Variants in SBNO2 observed in about 807,000 individuals in gnomAD.
SBNO2 encodes strawberry notch homolog 2.
A neutral mutation model predicts 146.3 loss-of-function variants in SBNO2; 89 were observed. That is an observed-to-expected ratio of 0.61 (90% CI 0.51 to 0.73). SBNO2 has a LOEUF of 0.73. Among genes scored for constraint, SBNO2 ranks in the 30% least tolerant of loss-of-function variants. The pLI, the probability that SBNO2 is intolerant of heterozygous loss-of-function variation, is 0.00. For synonymous variants in SBNO2, 1,147 were observed against 892.6 expected (o/e 1.29, Z -5.08); for missense variants, 2,092 against 2,003.7 (o/e 1.04, Z -0.84).
intron 1 of SBNO2, among the ~76,000 whole-genome samples, chr19:1,171,732 C>A (rs1361815663): frequency 6.6e-6 from 1 of 151,656 alleles, no homozygotes; most frequent in East Asian, 1.9e-4. Flanking sequence ...CCTCACACCC[C>A]TGGGGTTGGG....
Position 1,110,647 on chromosome 19 carries a change from G to T in SBNO2, c.3028+98C>A. On this transcript the variant is annotated intron_variant, in intron 26 of 31. Transcript: ENST00000361757. This position sits in a 1 kb window ranked among gnomAD's most constrained non-coding sequence, Gnocchi z 4.9. ...AGCCCCTCGCCCACCCGGGATGCCC[G>T]GTGTTCCCACGAGCCCCGAGCCCAC... is the stretch of plus-strand genomic sequence containing the variant. 1 of 1,392,912 alleles carries T rather than the reference G, an allele frequency of 7.2e-7. No individual in the cohort carries two copies. Among genetic ancestry groups the T allele is most frequent in the Non-Finnish European group, 9.6e-7 (1 of 1,046,964 alleles). The allele number at this position is 1,392,912 out of a possible 1,614,324, so 86.3% of individuals were successfully genotyped here.
At chr19:1,163,158 T>C (rs1293902834) in intron 1 of SBNO2, among the ~76,000 whole-genome samples, 1 of 152,190 alleles carries the variant, frequency 6.6e-6, no homozygotes, top group Non-Finnish European at 1.5e-5. Flanking sequence ...TGGGGCCTTA[T>C]TTGCATACAG....
rs1374173058 is a variant in SBNO2, at chr19:1,141,823, A to G, written c.279+5486T>C. Among the ~76,000 whole-genome samples, 4 of 151,954 alleles carry G rather than the reference A, an allele frequency of 2.6e-5. No individual in the cohort carries two copies. The East Asian group carries it at 7.7e-4, about 29-fold the overall frequency. On this transcript the variant is annotated intron_variant, in intron 4 of 31. Transcript: ENST00000361757. ...TTTTTTATACAGATAGGGTCTCACT[A>G]TGTTGCGCAGGCTGGTCTCAAACCC...
chr19:1,129,047 A>G (rs1335724515), intron 4 of SBNO2, among the ~76,000 whole-genome samples: 1 of 151,054 alleles, frequency 6.6e-6, no homozygotes, highest in East Asian at 2.0e-4. Context: ...TGGGCAGATC[A>G]CCTGAGGTCA....
At chr19:1,143,859 T>C (rs2080162003) in intron 4 of SBNO2, among the ~76,000 whole-genome samples, 1 of 152,146 alleles carries the variant, frequency 6.6e-6, no homozygotes, top group African/African-American at 2.4e-5. Flanking sequence ...CTCTTCCGTC[T>C]TGGGTCCATC....
At chr19:1,162,562 G>A (rs1034722981) in intron 1 of SBNO2, among the ~76,000 whole-genome samples, 1 of 152,066 alleles carries the variant, frequency 6.6e-6, no homozygotes, top group Non-Finnish European at 1.5e-5. Flanking sequence ...GCCAGAGGCA[G>A]GAGGCTGACG....
intron 2 of SBNO2, among the ~76,000 whole-genome samples, chr19:1,152,250 G>A (rs1007514078): frequency 3.3e-5 from 5 of 152,178 alleles, no homozygotes; most frequent in African/African-American, 7.2e-5. Context: ...GCTCCCGCTC[G>A]GATCCTTGAA....
chr19:1,158,514 C>T lies in SBNO2; in HGVS notation c.-126-4112G>A, dbSNP rs979413199. ...AGACCACGGGAGGACCCAGGGCGCACGGCACACCCCAGAGCGCTCCGCCCA... is the reference window on the plus strand; with the variant it reads ...AGACCACGGGAGGACCCAGGGCGCATGGCACACCCCAGAGCGCTCCGCCCA... On this transcript the variant is annotated intron_variant, in intron 1 of 31. Transcript: ENST00000361757. This position sits in a 1 kb window ranked among gnomAD's most constrained non-coding sequence, Gnocchi z 9.9. 2.6e-5 allele frequency among the ~76,000 whole-genome samples: 4 copies of T among 151,878 alleles called. No individual in the cohort carries two copies. Among genetic ancestry groups the T allele is most frequent in the South Asian group, 2.1e-4 (1 of 4,812 alleles).
intron 4 of SBNO2, among the ~76,000 whole-genome samples, chr19:1,133,435 C>T (rs1363190939): frequency 6.6e-6 from 1 of 152,102 alleles, no homozygotes; most frequent in East Asian, 1.9e-4. Context: ...GGCCCTCAAA[C>T]CCTGTGCACT....
chr19:1,145,258 G>A (rs1173431199), intron 4 of SBNO2, among the ~76,000 whole-genome samples: 1 of 150,558 alleles, frequency 6.6e-6, no homozygotes, highest in Non-Finnish European at 1.5e-5. Context: ...CCACAGGTCA[G>A]GAGTTTGAGA....
Position 1,108,785 on chromosome 19 carries a change from G to C in SBNO2, c.3610C>G (p.Gln1204Glu), listed in dbSNP as rs759018791. The C allele has an allele frequency of 6.2e-7, 1 of 1,602,686 alleles. No individual in the cohort carries two copies. Among genetic ancestry groups the C allele is most frequent in the South Asian group, 1.1e-5 (1 of 91,024 alleles). The change falls in exon 31 of 32, where the codon CAA becomes GAA. Residue 1204 changes from glutamine (Q) to glutamate (E), a missense_variant. By Grantham distance (29) the Gln-to-Glu change is conservative (BLOSUM62 2). Coordinates refer to ENST00000361757, the MANE Select transcript of SBNO2 (RefSeq NM_014963.3). ...GCGCCCGCCGCCCACTCACCCACTT[G>C]CTTCTTCCTGTCCTTGGTCTTCAGC... is the stretch of plus-strand genomic sequence containing the variant. Reference protein sequence around the residue: ...VRLKTKDRKKQVGIKIPEGCV... With the variant: ...VRLKTKDRKKEVGIKIPEGCV...
rs982899533 is a variant in SBNO2 at position 1,157,365 on chromosome 19, G to A, written c.-126-2963C>T. Among the ~76,000 whole-genome samples the A allele has an allele frequency of 1.1e-4, 16 of 145,574 alleles. No homozygotes were observed. Among genetic ancestry groups the A allele is most frequent in the Admixed American group, 2.7e-4 (4 of 14,610 alleles). On this transcript the variant is annotated intron_variant, in intron 1 of 31. Coordinates refer to ENST00000361757, the MANE Select transcript of SBNO2 (RefSeq NM_014963.3). The surrounding 1 kb of genome is among the most constrained non-coding windows in gnomAD (Gnocchi z 6.8). Reference sequence around the variant, plus strand: ...GGAGACGCTCTCCCCACGCGGCCCCGGAGACCCTCTGCCACGCAGCCCCGG... The same window carrying A: ...GGAGACGCTCTCCCCACGCGGCCCCAGAGACCCTCTGCCACGCAGCCCCGG...
At position 1,174,223 on chromosome 19, in the gene SBNO2, G is replaced by C. The variant is rs1234714007; in HGVS notation, c.-178C>G. 3.3e-5 allele frequency: 5 copies of C among 151,908 alleles called. No individual in the cohort carries two copies. The highest frequency in any genetic ancestry group is 1.2e-4 in the African/African-American group (5 of 41,376). 9.4% of individuals were successfully genotyped at this position (151,908 alleles called of 1,614,324 possible). ...GAGCCCGCGGCGCCTGTTTCTCCGA[G>C]CCTCGCAGCTGCCGCCGCTCACTTC... On this transcript the variant is annotated 5_prime_UTR_variant, in exon 1 of 32. Coordinates refer to ENST00000361757, the MANE Select transcript of SBNO2 (RefSeq NM_014963.3).
intron 1 of SBNO2, among the ~76,000 whole-genome samples, chr19:1,164,928 A>C (rs1234374177): frequency 3.6e-5 from 4 of 112,212 alleles, no homozygotes; most frequent in African/African-American, 6.3e-5. Flanking sequence ...GAGGAGGAGG[A>C]GGCACAGGAG....
intron 1 of SBNO2, among the ~76,000 whole-genome samples, chr19:1,164,003 C>A (rs1238695817): frequency 6.6e-6 from 1 of 152,222 alleles, no homozygotes; most frequent in Admixed American, 6.5e-5. Context: ...CGGAACCCAG[C>A]GCCCAGGAAG....
At position 1,166,627 on chromosome 19, in the gene SBNO2, A is replaced by G. The variant is rs992920290; in HGVS notation, c.-127+7545T>C. 1.7e-3 allele frequency among the ~76,000 whole-genome samples: 255 copies of G among 147,540 alleles called. 1 individual carries two copies. Among genetic ancestry groups the G allele is most frequent in the African/African-American group, 6.0e-3 (237 of 39,294 alleles). On this transcript the variant is annotated intron_variant, in intron 1 of 31. Transcript: ENST00000361757. ...ACCGCAACTGCACGCGCACACACAC[A>G]CACACACACACACACACACACACGC... is the stretch of plus-strand genomic sequence containing the variant.
At chr19:1,113,366 G>C (rs1451610588) in intron 19 of SBNO2, among the ~76,000 whole-genome samples, 169 bp downstream of exon 19, 2 of 152,186 alleles carry the variant, frequency 1.3e-5, no homozygotes, top group African/African-American at 4.8e-5. Context: ...CCCGGGCCGA[G>C]CTGGACAGCA....
chr19:1,154,277 C>T lies in SBNO2; in HGVS notation c.-1G>A, dbSNP rs1279441541. The T allele has an allele frequency of 2.4e-6, 3 of 1,263,062 alleles. No homozygotes were observed. Among genetic ancestry groups the T allele is most frequent in the Admixed American group, 3.7e-5 (1 of 27,178 alleles). 78.2% of individuals were successfully genotyped at this position (1,263,062 alleles called of 1,614,324 possible). ...CCATGGCGGGCCCCACTGCAAGCAT[C>T]GGGCGGCAGGCGGGGTGGGGTCCTC... On this transcript the variant is annotated 5_prime_UTR_variant, in exon 2 of 32. Transcript: ENST00000361757.
chr19:1,134,745 C>CT (rs534191963), intron 4 of SBNO2, among the ~76,000 whole-genome samples: 1 of 152,090 alleles, frequency 6.6e-6, no homozygotes, highest in Admixed American at 6.6e-5. Flanking sequence ...TGTGAATATA[C>CT]TTTTTTAAAG....
Sources: allele counts gnomAD v4.1 joint callset (sites outside exome capture counted in the v4.1 genomes callset), GRCh38; gene constraint gnomAD v4.1.1; non-coding constraint Gnocchi (gnomAD v3.1); transcripts MANE v1.5; gene names NCBI Gene and HGNC (gene_info 2026-07-23, HGNC 2026-07-21).